The following NT5DC3 variants were observed in gnomAD, a reference collection of about 807,000 sequenced individuals.
NT5DC3 encodes 5'-nucleotidase domain-containing protein 3.
Under a neutral mutation model 67.8 loss-of-function variants are expected in NT5DC3, and 42 were observed. That is an observed-to-expected ratio of 0.62 (90% CI 0.48 to 0.80). The LOEUF (loss-of-function observed/expected upper bound fraction) is 0.80. Ranked by LOEUF, NT5DC3 falls within the 30% of genes least tolerant of loss-of-function variation. The probability of loss-of-function intolerance (pLI) is 0.00; values close to 1 mark genes in which losing one functional copy is unlikely to be tolerated. For synonymous variants in NT5DC3, 237 were observed against 255.6 expected, an observed-to-expected ratio of 0.93 and a Z score of 0.69; for missense variants, 570 against 696.4, an observed-to-expected ratio of 0.82 and a Z score of 2.04.
At position 103,806,291 on chromosome 12, in the gene NT5DC3, G is replaced by A. The variant is rs373034340; in HGVS notation, c.524+31C>T. The stretch of plus-strand genomic sequence containing the variant: ...AACCCAAAGCACCTGGTTACTTCAC[G>A]TAAATTAAATGTATCTCCTCTTACT... On this transcript the variant is annotated intron_variant, in intron 4 of 13. Coordinates refer to ENST00000392876, the MANE Select transcript of NT5DC3 (RefSeq NM_001031701.3). 406 of 1,475,512 alleles carry A rather than the reference G, an allele frequency of 2.8e-4. 4 individuals are homozygous for A. The South Asian group carries it at 4.1e-3, about 15-fold the overall frequency. 91.4% of individuals were successfully genotyped at this position (1,475,512 alleles called of 1,614,324 possible).
rs567511238 is a variant in NT5DC3, at chr12:103,786,086, C to T, written c.1189-611G>A. ...AATATTTATCAAGCACTACTATTTGCCAGGCCCTAAATACTGAGGATAAAA... is the reference window on the plus strand; with the variant it reads ...AATATTTATCAAGCACTACTATTTGTCAGGCCCTAAATACTGAGGATAAAA... On this transcript the variant is annotated intron_variant, in intron 11 of 13. Transcript: ENST00000392876. Among the ~76,000 whole-genome samples, 7 of 152,112 alleles carry T rather than the reference C, an allele frequency of 4.6e-5. No homozygotes were observed. In the East Asian group the frequency reaches 7.7e-4, roughly 17 times the overall value.
chr12:103,786,620 A>G (rs1362440325), intron 11 of NT5DC3, among the ~76,000 whole-genome samples: 1 of 151,972 alleles, frequency 6.6e-6, no homozygotes, highest in Non-Finnish European at 1.5e-5. Flanking sequence ...TAAAGCCAGA[A>G]TCCTAAGTCC....
At chr12:103,746,627 C>G in the NT5DC3 span, 1 of 1,614,120 alleles carries the variant, frequency 6.2e-7, no homozygotes, top group Non-Finnish European at 8.5e-7. Flanking sequence ...CCTCCTTGTT[C>G]TGCTCATGCC....
chr12:103,799,944 C>CA (rs1269096748), intron 4 of NT5DC3, among the ~76,000 whole-genome samples: 16 of 152,330 alleles, frequency 1.1e-4, no homozygotes, highest in African/African-American at 3.8e-4. Context: ...CCTGCTCCTC[C>CA]ACCCCTCCTG....
At chr12:103,813,080 A>G (rs1478822667) in intron 2 of NT5DC3, among the ~76,000 whole-genome samples, 2 of 152,264 alleles carry the variant, frequency 1.3e-5, no homozygotes, top group Non-Finnish European at 2.9e-5. Flanking sequence ...CCTAGTGGAC[A>G]ATCAATGAAC....
At chr12:103,762,524 T>C in the NT5DC3 span, 1 of 1,489,098 alleles carries the variant, frequency 6.7e-7, no homozygotes, top group South Asian at 1.3e-5. Flanking sequence ...TGTCACACAG[T>C]AGCAGGGGCG....
chr12:103,833,340 C>A (rs1440217512), intron 1 of NT5DC3, among the ~76,000 whole-genome samples: 1 of 152,202 alleles, frequency 6.6e-6, no homozygotes, highest in African/African-American at 2.4e-5. Context: ...GTGAAACAGT[C>A]TGAGAAATAT....
At chr12:103,796,071 C>T (rs1288045633) in intron 6 of NT5DC3, among the ~76,000 whole-genome samples, 1 of 152,188 alleles carries the variant, frequency 6.6e-6, no homozygotes, top group Non-Finnish European at 1.5e-5. Flanking sequence ...TTGTCTACAT[C>T]CCCCGTCCCC....
At chr12:103,809,491 C>A (rs1886941351) in intron 2 of NT5DC3, among the ~76,000 whole-genome samples, 1 of 152,184 alleles carries the variant, frequency 6.6e-6, no homozygotes, top group African/African-American at 2.4e-5. Context: ...AAACACATAC[C>A]TGAAACTGGG....
intron 4 of NT5DC3, among the ~76,000 whole-genome samples, chr12:103,800,944 C>A (rs762575903): frequency 6.6e-6 from 1 of 152,056 alleles, no homozygotes; most frequent in Non-Finnish European, 1.5e-5. Flanking sequence ...CAGGAGCTAC[C>A]ACGTATAGAA....
chr12:103,808,148 A>T (rs1444595467), intron 2 of NT5DC3, among the ~76,000 whole-genome samples: 1 of 152,136 alleles, frequency 6.6e-6, no homozygotes, highest in East Asian at 1.9e-4. Flanking sequence ...TACCCTGTGG[A>T]TGGCACTGAT....
chr12:103,761,877 T>C, the NT5DC3 span, among the ~76,000 whole-genome samples: 5 of 152,180 alleles, frequency 3.3e-5, no homozygotes, highest in South Asian at 4.1e-4. Context: ...GTGATGGTGG[T>C]TGTTAGTATT....
intron 4 of NT5DC3, among the ~76,000 whole-genome samples, chr12:103,799,760 G>A (rs1369255601): frequency 6.7e-6 from 1 of 148,548 alleles, no homozygotes; most frequent in East Asian, 2.0e-4. Context: ...TCTACCATCT[G>A]CCTGCCTCTG....
At chr12:103,815,575 T>A (rs1003947743) in intron 1 of NT5DC3, among the ~76,000 whole-genome samples, 1 of 151,890 alleles carries the variant, frequency 6.6e-6, no homozygotes, top group African/African-American at 2.4e-5. Context: ...GCACACACCA[T>A]CACACCCTAC....
the NT5DC3 span, chr12:103,746,372 T>C: frequency 2.4e-6 from 1 of 414,302 alleles, no homozygotes; most frequent in Non-Finnish European, 4.4e-6. Flanking sequence ...CTCATATAAA[T>C]CTCAATGACA....
chr12:103,766,419 GA>G, downstream of NT5DC3: 1 of 1,491,626 alleles, frequency 6.7e-7, no homozygotes. Flanking sequence ...TGCCTTTTAG[GA>G]ACGTAAAGTC....
chr12:103,767,525 A>AAAAC (rs1437329827), downstream of NT5DC3, among the ~76,000 whole-genome samples: 4 of 152,346 alleles, frequency 2.6e-5, no homozygotes, highest in Admixed American at 2.0e-4. Flanking sequence ...TGTACACTTT[A>AAAAC]AAACAGTGAA....
At position 103,823,756 on chromosome 12, in the gene NT5DC3, A is replaced by C. The variant is rs145853099; in HGVS notation, c.209-8635T>G. Among the ~76,000 whole-genome samples the C allele has an allele frequency of 1.4e-4, 21 of 152,360 alleles. No homozygotes were observed. In the East Asian group the frequency reaches 3.9e-3, roughly 28 times the overall value. On this transcript the variant is annotated intron_variant, in intron 1 of 13. Coordinates refer to ENST00000392876, the MANE Select transcript of NT5DC3 (RefSeq NM_001031701.3). ...ATGGATTGGAAATGTGAAAATAAGC[A>C]TAGGCATTTTTTGTTTCTACACTGA... is the stretch of plus-strand genomic sequence containing the variant.
chr12:103,748,025 A>C, the NT5DC3 span, among the ~76,000 whole-genome samples: 56 of 152,116 alleles, frequency 3.7e-4, no homozygotes, highest in Middle Eastern at 3.4e-3. Context: ...GGGAAGAAGA[A>C]GAAGAAAACA....
Sources: gnomAD v4.1 joint callset for allele counts (sites outside exome capture counted in the v4.1 genomes callset) on GRCh38, gnomAD v4.1.1 for gene constraint, MANE v1.5 for transcripts, NCBI Gene and HGNC (gene_info 2026-07-23, HGNC 2026-07-21) for gene names.